TENM1: variants seen among roughly 807,000 people sequenced by gnomAD.
The protein encoded by TENM1 is teneurin-1.
TENM1 carries 35 observed loss-of-function variants against 174.8 expected under a neutral mutation model. The ratio of observed to expected loss-of-function variants is 0.20; its 90% confidence interval spans 0.15 to 0.27. The LOEUF (loss-of-function observed/expected upper bound fraction) is 0.27. TENM1 is among the 10% of genes least tolerant of loss of function. TENM1 has a pLI of 1.00. For synonymous variants in TENM1, 781 were observed against 798.7 expected, an observed-to-expected ratio of 0.98 and a Z score of 0.37; for missense variants, 1,633 against 2,130.1, an observed-to-expected ratio of 0.77 and a Z score of 4.59.
exon 27 of TENM1, chrX:124,405,111 G>A (rs1462459741): frequency 8.3e-7 from 1 of 1,211,590 alleles, no homozygotes; most frequent in Non-Finnish European, 1.1e-6. Context: ...TTTGCATTGT[G>A]CTCTCCGGGC....
chrX:125,082,192 G>C, the TENM1 span, among the ~76,000 whole-genome samples: 1 of 110,758 alleles, frequency 9.0e-6, no homozygotes, highest in East Asian at 2.8e-4. Context: ...AAATGTAAGT[G>C]AAAACTCATT....
chrX:124,630,934 G>A (rs759994988), intron 11 of TENM1, among the ~76,000 whole-genome samples: 2 of 112,120 alleles, frequency 1.8e-5, no homozygotes, highest in African/African-American at 6.5e-5. Context: ...ATTGCAACAT[G>A]ATATTTTAAA....
At chrX:124,383,591 G>A in intron 30 of TENM1, 43 bp downstream of exon 33, 7 of 1,105,702 alleles carry the variant, frequency 6.3e-6, no homozygotes, top group Non-Finnish European at 8.6e-6. Context: ...CAACAGTACT[G>A]AGTTACTCAA....
chrX:125,098,782 T>C, the TENM1 span, among the ~76,000 whole-genome samples: 823 of 111,976 alleles, frequency 7.3e-3, 8 homozygotes, highest in African/African-American at 0.026. Context: ...ATCCAATTCG[T>C]GTACAGGGTA....
chrX:125,122,032 C>T, the TENM1 span, among the ~76,000 whole-genome samples: 1 of 112,137 alleles, frequency 8.9e-6, no homozygotes, highest in African/African-American at 3.2e-5. Flanking sequence ...TATGCTCATG[C>T]CACTGCATTC....
the TENM1 span, among the ~76,000 whole-genome samples, chrX:125,064,819 G>C: frequency 1.8e-5 from 2 of 111,009 alleles, no homozygotes; most frequent in African/African-American, 6.6e-5. Flanking sequence ...ATGTTAGCCA[G>C]GATGGTCTCG....
chrX:124,684,701 G>A (rs1020566753), intron 5 of TENM1, among the ~76,000 whole-genome samples: 25 of 111,762 alleles, frequency 2.2e-4, no homozygotes, highest in African/African-American at 5.2e-4. Context: ...TGGTTCCCAC[G>A]GATCTGACCT....
At chrX:124,704,735 C>T (rs772996351) in intron 5 of TENM1, among the ~76,000 whole-genome samples, 1 of 110,743 alleles carries the variant, frequency 9.0e-6, no homozygotes, top group African/African-American at 3.3e-5. Context: ...CCATAACAAC[C>T]TTTTAATTGA....
chrX:125,041,315 T>C, the TENM1 span, among the ~76,000 whole-genome samples: 2 of 110,841 alleles, frequency 1.8e-5, no homozygotes, highest in African/African-American at 3.3e-5. Context: ...GATCCCTGGA[T>C]TGGGAATCAG....
chrX:124,714,571 T>C (rs1013993930), intron 4 of TENM1, among the ~76,000 whole-genome samples: 2 of 111,870 alleles, frequency 1.8e-5, no homozygotes, highest in African/African-American at 3.2e-5. Flanking sequence ...AGGATACTTA[T>C]CATCATTGTG....
intron 14 of TENM1, among the ~76,000 whole-genome samples, chrX:124,555,513 T>G (rs1413838018): frequency 8.9e-6 from 1 of 112,104 alleles, no homozygotes; most frequent in African/African-American, 3.2e-5. Flanking sequence ...CATACTAACT[T>G]GTTGTAACAC....
intron 3 of TENM1, among the ~76,000 whole-genome samples, chrX:124,832,668 G>A (rs907119610): frequency 1.7e-4 from 19 of 111,871 alleles, no homozygotes; most frequent in South Asian, 7.6e-4. Context: ...TCTACCTCCC[G>A]GGCTCAAGCG....
the TENM1 span, among the ~76,000 whole-genome samples, chrX:125,078,285 C>A: frequency 1.6e-3 from 180 of 111,329 alleles, 1 homozygote; most frequent in Non-Finnish European, 2.6e-3. Flanking sequence ...TATGTGAACC[C>A]AATTCAGTTA....
intron 1 of TENM1, among the ~76,000 whole-genome samples, chrX:124,902,050 T>C (rs950768909): frequency 8.0e-5 from 9 of 112,224 alleles, no homozygotes; most frequent in Non-Finnish European, 1.7e-4. Flanking sequence ...GGTTTTTGGA[T>C]AAGTCACTTA....
chrX:124,523,758 T>C (rs2148052313), intron 16 of TENM1, 133 bp from the exon 20 acceptor site: 2 of 646,754 alleles, frequency 3.1e-6, no homozygotes, highest in Non-Finnish European at 4.6e-6. Flanking sequence ...GTCTATTTTA[T>C]AAATTCTCTC....
intron 6 of TENM1, among the ~76,000 whole-genome samples, chrX:124,654,908 T>A (rs6649272): frequency 9.0e-6 from 1 of 111,235 alleles, no homozygotes; most frequent in Non-Finnish European, 1.9e-5. Flanking sequence ...ACAGCTCATA[T>A]AGAAAAACTA....
chrX:124,705,440 C>CT (rs1336366986), intron 4 of TENM1, among the ~76,000 whole-genome samples, 189 bp from the exon 8 acceptor site: 15 of 110,017 alleles, frequency 1.4e-4, no homozygotes, highest in East Asian at 1.1e-3. Context: ...TTTTCTTTGT[C>CT]TTTTTTTTTC....
chrX:124,574,142 T>G (rs967353732), intron 11 of TENM1, among the ~76,000 whole-genome samples: 1 of 112,111 alleles, frequency 8.9e-6, no homozygotes. Flanking sequence ...TCATTTTTAA[T>G]AAGTTTCTTT....
the TENM1 span, among the ~76,000 whole-genome samples, chrX:124,978,560 G>A: frequency 1.8e-5 from 2 of 111,752 alleles, no homozygotes; most frequent in Admixed American, 9.5e-5. Flanking sequence ...CTATATCTGT[G>A]AAATATGTCA....
Sources: allele counts gnomAD v4.1 joint callset (sites outside exome capture counted in the v4.1 genomes callset), GRCh38; gene constraint gnomAD v4.1.1; transcripts MANE v1.5; gene names NCBI Gene and HGNC (gene_info 2026-07-23, HGNC 2026-07-21).